KIAA1217: variants seen among roughly 807,000 people sequenced by gnomAD.
KIAA1217 encodes the protein KIAA1217.
A neutral mutation model predicts 163.9 loss-of-function variants in KIAA1217; 88 were observed. The observed-to-expected ratio is 0.54, with a 90% CI of 0.45 to 0.64. KIAA1217 has a LOEUF of 0.64. Among genes scored for constraint, KIAA1217 ranks in the 30% least tolerant of loss-of-function variants. The pLI, the probability that KIAA1217 is intolerant of heterozygous loss-of-function variation, is 0.00. For synonymous variants in KIAA1217, 903 were observed against 923.1 expected, an observed-to-expected ratio of 0.98 and a Z score of 0.39; for missense variants, 2,372 against 2,475.0, an observed-to-expected ratio of 0.96 and a Z score of 0.88.
intron 1 of KIAA1217, among the ~76,000 whole-genome samples, chr10:23,935,584 C>T (rs1589109107): frequency 6.6e-6 from 1 of 152,078 alleles, no homozygotes; most frequent in Non-Finnish European, 1.5e-5. Flanking sequence ...AAACATGAAA[C>T]ACTTGGAAGT....
intron 9 of KIAA1217, among the ~76,000 whole-genome samples, chr10:24,512,363 T>G (rs1289806838): frequency 6.6e-6 from 1 of 152,114 alleles, no homozygotes; most frequent in Non-Finnish European, 1.5e-5. Flanking sequence ...ATAATATCAT[T>G]ATTGTGATGG....
intron 10 of KIAA1217, among the ~76,000 whole-genome samples, chr10:24,518,211 TAA>T (rs921782757): frequency 1.3e-5 from 2 of 152,236 alleles, no homozygotes; most frequent in African/African-American, 2.4e-5. Context: ...GCTGATATTT[TAA>T]AAGTCATATT....
intron 2 of KIAA1217, among the ~76,000 whole-genome samples, chr10:24,198,651 T>A (rs1211385181): frequency 6.6e-6 from 1 of 151,078 alleles, no homozygotes; most frequent in Non-Finnish European, 1.5e-5. Flanking sequence ...GAAATGGGGA[T>A]TCAGAGACAA....
intron 16 of KIAA1217, among the ~76,000 whole-genome samples, chr10:24,535,620 CA>C (rs2073886664): frequency 2.0e-5 from 3 of 151,906 alleles, no homozygotes; most frequent in Non-Finnish European, 2.9e-5. Context: ...ACTAAAACTA[CA>C]AAAAAATCAG....
intron 1 of KIAA1217, among the ~76,000 whole-genome samples, chr10:23,987,394 C>CAAAAAAT (rs1564589303): frequency 7.6e-5 from 10 of 131,912 alleles, no homozygotes; most frequent in Admixed American, 1.5e-4. Flanking sequence ...AAAAAAAAAG[C>CAAAAAAT]CACCCTTCTT....
chr10:24,197,128 G>T (rs145749870), intron 2 of KIAA1217, among the ~76,000 whole-genome samples: 2 of 152,258 alleles, frequency 1.3e-5, no homozygotes, highest in African/African-American at 4.8e-5. Flanking sequence ...AACTGTGAGG[G>T]GATCTATATA....
At chr10:23,814,452 C>A (rs1245219831) in intron 1 of KIAA1217, among the ~76,000 whole-genome samples, 1 of 152,102 alleles carries the variant, frequency 6.6e-6, no homozygotes, top group Non-Finnish European at 1.5e-5. Context: ...AGCATGCTAG[C>A]TTCTCAATAT....
intron 2 of KIAA1217, among the ~76,000 whole-genome samples, chr10:24,144,215 C>T (rs2064206704): frequency 6.6e-6 from 1 of 152,226 alleles, no homozygotes; most frequent in Admixed American, 6.5e-5. Context: ...GCTACCTTCT[C>T]CATGTGTGAA....
intron 2 of KIAA1217, among the ~76,000 whole-genome samples, chr10:24,378,921 C>A (rs572930309): frequency 6.6e-6 from 1 of 152,166 alleles, no homozygotes; most frequent in Admixed American, 6.5e-5. Context: ...CCTACCACTA[C>A]GATGACCCTG....
At chr10:24,032,822 G>T (rs1401438693) in intron 2 of KIAA1217, among the ~76,000 whole-genome samples, 2 of 152,064 alleles carry the variant, frequency 1.3e-5, no homozygotes, top group African/African-American at 4.8e-5. Flanking sequence ...ACCCTAATAA[G>T]AAATAGCTTA....
At chr10:24,469,281 G>A (rs1172495339) in intron 5 of KIAA1217, among the ~76,000 whole-genome samples, 5 of 150,762 alleles carry the variant, frequency 3.3e-5, no homozygotes, top group African/African-American at 1.2e-4. Context: ...CATGCACTGC[G>A]CCTGGCTAAT....
chr10:23,839,472 T>C (rs1838664936), intron 1 of KIAA1217, among the ~76,000 whole-genome samples: 1 of 152,162 alleles, frequency 6.6e-6, no homozygotes, highest in Admixed American at 6.5e-5. Flanking sequence ...GAAATCTCCT[T>C]AGTGTCTCTA....
intron 2 of KIAA1217, among the ~76,000 whole-genome samples, chr10:24,167,958 G>A (rs1419165699): frequency 6.6e-6 from 1 of 152,148 alleles, no homozygotes; most frequent in African/African-American, 2.4e-5. Flanking sequence ...CTGAGATAAC[G>A]TTGCCCATCC....
chr10:23,885,488 C>T (rs1271273301), intron 1 of KIAA1217, among the ~76,000 whole-genome samples: 3 of 151,910 alleles, frequency 2.0e-5, no homozygotes, highest in Admixed American at 6.6e-5. Context: ...TGAAGGACTT[C>T]GCCTGGGAGA....
intron 1 of KIAA1217, among the ~76,000 whole-genome samples, chr10:23,942,306 G>A (rs1843808764): frequency 6.6e-6 from 1 of 152,120 alleles, no homozygotes; most frequent in Non-Finnish European, 1.5e-5. Flanking sequence ...AATGGAAAAG[G>A]TGGTAATAAT....
At chr10:23,766,921 T>C (rs1038273466) in intron 1 of KIAA1217, among the ~76,000 whole-genome samples, 17 of 152,178 alleles carry the variant, frequency 1.1e-4, no homozygotes, top group Admixed American at 2.0e-4. Context: ...CTTACCTCTG[T>C]TGAATCATTC....
intron 4 of KIAA1217, among the ~76,000 whole-genome samples, chr10:24,436,757 CAAAAAAAAAAAAAAAA>C (rs10560676): frequency 1.4e-5 from 1 of 70,874 alleles, no homozygotes; most frequent in Admixed American, 2.2e-4. Flanking sequence ...GACTCCGTCT[CAAAAAAAAAAAAAAAA>C]AAAAAAAAAA....
intron 1 of KIAA1217, among the ~76,000 whole-genome samples, chr10:23,862,719 G>A (rs916239524): frequency 6.6e-6 from 1 of 151,982 alleles, no homozygotes; most frequent in Non-Finnish European, 1.5e-5. Flanking sequence ...CAAAATGGTA[G>A]GCAGGGGGCA....
chr10:24,304,538 C>T (rs139758502), intron 2 of KIAA1217, among the ~76,000 whole-genome samples: 52 of 151,970 alleles, frequency 3.4e-4, no homozygotes, highest in Non-Finnish European at 7.2e-4. Context: ...GACGGGGTCT[C>T]GTTATGTTGC....
Sources: gnomAD v4.1 joint callset for allele counts (sites outside exome capture counted in the v4.1 genomes callset) on GRCh38, gnomAD v4.1.1 for gene constraint, MANE v1.5 for transcripts, NCBI Gene and HGNC (gene_info 2026-07-23, HGNC 2026-07-21) for gene names.